Variants in RIMS2 observed in about 807,000 individuals in gnomAD.
The protein encoded by RIMS2 is regulating synaptic membrane exocytosis 2.
Under a neutral mutation model 174.4 loss-of-function variants are expected in RIMS2, and 59 were observed. The observed-to-expected ratio is 0.34, with a 90% CI of 0.27 to 0.42. RIMS2 has a LOEUF of 0.42. Among genes scored for constraint, RIMS2 ranks in the 10% least tolerant of loss-of-function variants. The pLI is 1.00. For synonymous variants in RIMS2, 606 were observed against 572.5 expected, an observed-to-expected ratio of 1.06 and a Z score of -0.84; for missense variants, 1,620 against 1,666.3, an observed-to-expected ratio of 0.97 and a Z score of 0.48.
At chr8:104,041,829 G>C (rs907443365) in intron 19 of RIMS2, among the ~76,000 whole-genome samples, 7 of 151,666 alleles carry the variant, frequency 4.6e-5, no homozygotes, top group African/African-American at 1.7e-4. Context: ...TCACTGAAGA[G>C]TTAAGAGATG....
chr8:103,828,745 G>A (rs2098807010), intron 3 of RIMS2, among the ~76,000 whole-genome samples: 1 of 151,966 alleles, frequency 6.6e-6, no homozygotes, highest in Non-Finnish European at 1.5e-5. Context: ...TTTTGTAGGT[G>A]GTGAAAGGAA....
chr8:103,865,284 C>CTTTTTTTTTTTT (rs67300843), intron 3 of RIMS2, among the ~76,000 whole-genome samples: 3 of 119,732 alleles, frequency 2.5e-5, no homozygotes, highest in Non-Finnish European at 5.0e-5. Context: ...CAGTTTTTTT[C>CTTTTTTTTTTTT]TTTTTTTTTT....
intron 2 of RIMS2, among the ~76,000 whole-genome samples, chr8:103,758,807 C>T (rs1456791342): frequency 6.6e-6 from 1 of 152,116 alleles, no homozygotes. Flanking sequence ...AAACAACTTA[C>T]TTACAAATTA....
At position 104,101,006 on chromosome 8, in the gene RIMS2, G is replaced by GTAATATATGTTATATATTATATT. The variant is rs1566394951; in HGVS notation, c.3334+86391_3334+86392insTAATATATGTTATATATTATATT. Among the ~76,000 whole-genome samples the GTAATATATGTTATATATTATATT allele has an allele frequency of 5.7e-3, 761 of 133,602 alleles. 47 individuals carry two copies. Among genetic ancestry groups the GTAATATATGTTATATATTATATT allele is most frequent in the African/African-American group, 0.02 (696 of 35,554 alleles). 87.6% of individuals were successfully genotyped at this position (133,602 alleles called of 152,430 possible). On this transcript the variant is annotated intron_variant, in intron 19 of 23. Transcript: ENST00000504942. ...ATATTATATAGTATATGTTATATAT[G>GTAATATATGTTATATATTATATT]ATATATTACATATGTAATATATGTT...
At chr8:104,054,248 A>T (rs2154559247) in intron 19 of RIMS2, among the ~76,000 whole-genome samples, 1 of 152,212 alleles carries the variant, frequency 6.6e-6, no homozygotes, top group Non-Finnish European at 1.5e-5. Context: ...TATTCATGAA[A>T]CATTTAGGAT....
chr8:104,096,129 T>A (rs924889387), intron 19 of RIMS2, among the ~76,000 whole-genome samples: 1 of 152,122 alleles, frequency 6.6e-6, no homozygotes, highest in East Asian at 1.9e-4. Context: ...TCATCACTAA[T>A]TCACAGAGAA....
At chr8:104,105,758 G>C (rs550756404) in intron 19 of RIMS2, among the ~76,000 whole-genome samples, 1 of 151,962 alleles carries the variant, frequency 6.6e-6, no homozygotes, top group South Asian at 2.1e-4. Flanking sequence ...AATTTAGAAG[G>C]CTGGGCATGG....
intron 19 of RIMS2, among the ~76,000 whole-genome samples, chr8:104,212,053 A>T (rs149455999): frequency 6.6e-6 from 1 of 152,182 alleles, no homozygotes; most frequent in Non-Finnish European, 1.5e-5. Flanking sequence ...TGCTGATGTC[A>T]TTTATTTAGA....
intron 19 of RIMS2, among the ~76,000 whole-genome samples, chr8:104,209,742 A>G (rs779190727): frequency 1.3e-5 from 2 of 152,222 alleles, no homozygotes. Context: ...CTGATAGACT[A>G]TCTTGCAGAA....
At chr8:103,730,261 G>T (rs1481028168) in intron 2 of RIMS2, among the ~76,000 whole-genome samples, 1 of 149,664 alleles carries the variant, frequency 6.7e-6, no homozygotes, top group South Asian at 2.1e-4. Context: ...TCCAGTGTTG[G>T]GTGATTATAT....
chr8:103,863,895 TTTTGTTTTTTTTG>T (rs775622561), intron 3 of RIMS2, among the ~76,000 whole-genome samples: 417 of 123,716 alleles, frequency 3.4e-3, no homozygotes, highest in Middle Eastern at 0.012. Flanking sequence ...AAGTTTTTTT[TTTTGTTTTTTTTG>T]TTTGTTTGTT....
chr8:104,008,433 A>G (rs953607240), intron 17 of RIMS2, among the ~76,000 whole-genome samples: 5 of 151,074 alleles, frequency 3.3e-5, no homozygotes, highest in African/African-American at 1.2e-4. Context: ...AATGAAAATT[A>G]TAAATATTTA....
At position 103,885,948 on chromosome 8, in the gene RIMS2, G is replaced by T. The variant is rs750540599; in HGVS notation, c.1349G>T (p.Arg450Leu). ...CCCATAGATAGACCAGACTTGAGGC[G>T]TACTGACTCACTACGGAAACAGCAC... Residue 450 changes from arginine (R) to leucine (L), a missense_variant, in exon 4 of 24, where the codon CGT becomes CTT. Transcript: ENST00000504942. The T allele has an allele frequency of 1.9e-6, 3 of 1,612,958 alleles. No individual in the cohort carries two copies. The highest frequency in any genetic ancestry group is 3.3e-5 in the Admixed American group (2 of 59,858).
At chr8:104,255,220 A>G (rs547488104), downstream of RIMS2, 24 of 148,430 alleles carry the variant, frequency 1.6e-4, no homozygotes, top group African/African-American at 5.8e-4. Flanking sequence ...TATACCCCCT[A>G]CTCTAGTGAA....
intron 15 of RIMS2, among the ~76,000 whole-genome samples, chr8:103,966,920 A>G (rs1285006230): frequency 1.3e-5 from 2 of 151,626 alleles, no homozygotes; most frequent in East Asian, 1.9e-4. Flanking sequence ...TCTTTCTGTT[A>G]CTGCTTTCTA....
chr8:103,826,225 C>A (rs767652297), intron 3 of RIMS2, among the ~76,000 whole-genome samples: 1 of 151,834 alleles, frequency 6.6e-6, no homozygotes, highest in Non-Finnish European at 1.5e-5. Flanking sequence ...AGTTTTAATT[C>A]TGATAAAATG....
chr8:103,645,353 G>A (rs1336397522), intron 1 of RIMS2, among the ~76,000 whole-genome samples: 2 of 151,938 alleles, frequency 1.3e-5, no homozygotes, highest in African/African-American at 4.8e-5. Context: ...TGTTAATATA[G>A]AAATAGATAC....
At chr8:103,819,612 A>G (rs777611392) in intron 3 of RIMS2, 1 of 1,612,744 alleles carries the variant, frequency 6.2e-7, no homozygotes, top group East Asian at 2.2e-5. Context: ...TTTTTGGACA[A>G]ACACTGAACA....
intron 19 of RIMS2, among the ~76,000 whole-genome samples, chr8:104,096,306 C>T (rs1441898863): frequency 6.6e-6 from 1 of 152,124 alleles, no homozygotes; most frequent in Non-Finnish European, 1.5e-5. Context: ...ACCTGGCTTG[C>T]TAGGCAGAGA....
Sources: gnomAD v4.1 joint callset for allele counts (sites outside exome capture counted in the v4.1 genomes callset) on GRCh38, gnomAD v4.1.1 for gene constraint, MANE v1.5 for transcripts, NCBI Gene and HGNC (gene_info 2026-07-23, HGNC 2026-07-21) for gene names.